GLI3: variants seen among roughly 807,000 people sequenced by gnomAD.
The protein encoded by GLI3 is transcription activator GLI3.
GLI3 carries 20 observed loss-of-function variants against 100.8 expected under a neutral mutation model. The ratio of observed to expected loss-of-function variants is 0.20; its 90% CI spans 0.14 to 0.29. GLI3 has a LOEUF of 0.29. Among genes scored for constraint, GLI3 ranks in the 10% least tolerant of loss-of-function variants. The pLI, the probability that GLI3 is intolerant of heterozygous loss-of-function variation, is 1.00. For missense variants in GLI3, 2,040 were observed against 2,128.5 expected (o/e 0.96, Z 0.82); for synonymous variants, 938 against 860.5 (o/e 1.09, Z -1.58).
rs913492163 is a variant in GLI3, at chr7:41,972,950, A to G, written c.1813-323T>C. ...ATCACGGTGCCATAATAGGCACTCA[A>G]TAGATATTTGATGATGATGATGATG... On this transcript the variant is annotated intron_variant, in intron 12 of 14. Transcript: ENST00000395925. This position sits in a 1 kb window ranked among gnomAD's most constrained non-coding sequence, Gnocchi z 4.4. 1.3e-5 allele frequency among the ~76,000 whole-genome samples: 2 copies of G among 152,068 alleles called. No individual in the cohort carries two copies. Among genetic ancestry groups the G allele is most frequent in the African/African-American group, 2.4e-5 (1 of 41,356 alleles).
At chr7:42,160,119 G>T (rs1223858703) in intron 2 of GLI3, among the ~76,000 whole-genome samples, 2 of 151,916 alleles carry the variant, frequency 1.3e-5, no homozygotes, top group African/African-American at 4.8e-5. Context: ...TTACTTCATA[G>T]GGTATTGTGA....
intron 3 of GLI3, among the ~76,000 whole-genome samples, chr7:42,132,925 A>C (rs990861053): frequency 1.3e-5 from 2 of 152,150 alleles, no homozygotes; most frequent in Admixed American, 6.5e-5. Flanking sequence ...CAAAAAAAAA[A>C]ACACAAGTAA....
intron 10 of GLI3, among the ~76,000 whole-genome samples, chr7:42,001,145 T>C (rs1258798864): frequency 6.9e-6 from 1 of 145,358 alleles, no homozygotes; most frequent in Non-Finnish European, 1.5e-5. Context: ...CGCAGGAGGC[T>C]GAGGCAGGAG....
At chr7:42,159,213 T>C (rs1411571857) in intron 2 of GLI3, among the ~76,000 whole-genome samples, 2 of 152,244 alleles carry the variant, frequency 1.3e-5, no homozygotes, top group Admixed American at 1.3e-4. Context: ...AGTATTTGGC[T>C]TGTGCTTAAC....
rs117071064 is a variant in GLI3 at position 42,050,858 on chromosome 7, G to A, written c.474-2162C>T. ...AAGAGTGGTAAGAATATCCCTAGAGGTCCAAATTCTATTTTGGAGAATTAT... is the reference window on the plus strand; with the variant it reads ...AAGAGTGGTAAGAATATCCCTAGAGATCCAAATTCTATTTTGGAGAATTAT... On this transcript the variant is annotated intron_variant, in intron 4 of 14. Coordinates refer to ENST00000395925, the MANE Select transcript of GLI3 (RefSeq NM_000168.6). Among the ~76,000 whole-genome samples the A allele has an allele frequency of 4.1e-3, 617 of 152,228 alleles. 4 individuals carry two copies. The highest frequency in any genetic ancestry group is 7.1e-3 in the Non-Finnish European group (480 of 68,022).
At chr7:42,050,151 C>T (rs566638539) in intron 4 of GLI3, among the ~76,000 whole-genome samples, 6 of 152,164 alleles carry the variant, frequency 3.9e-5, no homozygotes, top group African/African-American at 1.4e-4. Context: ...CTCACTTTCT[C>T]CTTCTGACTC....
At chr7:42,258,525 A>G (rs1562802771) in intron 1 of GLI3, among the ~76,000 whole-genome samples, 4 of 152,192 alleles carry the variant, frequency 2.6e-5, no homozygotes, top group Admixed American at 2.0e-4. Context: ...GTTTTCCTAT[A>G]CATGATTAAG....
chr7:42,028,036 T>G (rs1422821641), intron 7 of GLI3, among the ~76,000 whole-genome samples: 1 of 152,214 alleles, frequency 6.6e-6, no homozygotes, highest in Non-Finnish European at 1.5e-5. Context: ...ATAGCTGATT[T>G]CATGTTCACT....
At chr7:42,179,353 G>A (rs959357290) in intron 2 of GLI3, among the ~76,000 whole-genome samples, 13 of 152,110 alleles carry the variant, frequency 8.5e-5, no homozygotes, top group African/African-American at 3.1e-4. Context: ...AATACAGCTG[G>A]AGCAGAGGGA....
intron 10 of GLI3, among the ~76,000 whole-genome samples, chr7:41,996,865 G>C (rs1250225602): frequency 6.6e-6 from 1 of 152,170 alleles, no homozygotes; most frequent in Non-Finnish European, 1.5e-5. Context: ...TTCTCAGTAA[G>C]ATCACATCTT....
chr7:42,067,652 T>G (rs1784702028), intron 4 of GLI3, among the ~76,000 whole-genome samples: 1 of 152,166 alleles, frequency 6.6e-6, no homozygotes, highest in Non-Finnish European at 1.5e-5. Flanking sequence ...CCAGTTAACC[T>G]AACTCCCTTA....
chr7:42,065,515 T>C (rs1479685310), intron 4 of GLI3, among the ~76,000 whole-genome samples: 3 of 152,144 alleles, frequency 2.0e-5, no homozygotes, highest in East Asian at 1.9e-4. Context: ...GTTAAAAACA[T>C]AGTTCATAAG....
chr7:42,223,090 G>T (rs1365935413), intron 2 of GLI3, 40 bp downstream of exon 2: 2 of 1,607,698 alleles, frequency 1.2e-6, no homozygotes, highest in Non-Finnish European at 8.5e-7. Context: ...ACACAGAAAT[G>T]ACTCCAGGCT....
chr7:42,164,504 TAA>T (rs1787198243), intron 2 of GLI3, among the ~76,000 whole-genome samples: 1 of 148,038 alleles, frequency 6.8e-6, no homozygotes, highest in South Asian at 2.2e-4. Context: ...GAAAGACAGA[TAA>T]AGACCTTGTC....
At chr7:42,146,015 G>C (rs935744224) in intron 3 of GLI3, among the ~76,000 whole-genome samples, 2 of 152,128 alleles carry the variant, frequency 1.3e-5, no homozygotes, top group Non-Finnish European at 2.9e-5. Flanking sequence ...CAAGTGTTGA[G>C]CCAATCTGTG....
intron 3 of GLI3, chr7:42,113,507 C>T (rs1196293153): frequency 2.0e-5 from 22 of 1,094,276 alleles, no homozygotes; most frequent in South Asian, 1.9e-4. Context: ...TGAGAAGGTA[C>T]CCAAAGGGAA....
chr7:42,049,620 G>A (rs778673848), intron 4 of GLI3, among the ~76,000 whole-genome samples: 1 of 152,186 alleles, frequency 6.6e-6, no homozygotes, highest in African/African-American at 2.4e-5. Flanking sequence ...ACGATATCCT[G>A]ATCTGCTTCT....
At chr7:42,018,323 C>A (rs1477903152) in intron 10 of GLI3, among the ~76,000 whole-genome samples, 1 of 152,100 alleles carries the variant, frequency 6.6e-6, no homozygotes, top group Non-Finnish European at 1.5e-5. Flanking sequence ...AAAATAAGAT[C>A]AAAATCTCCA....
intron 3 of GLI3, among the ~76,000 whole-genome samples, chr7:42,096,707 C>T (rs1785345923): frequency 6.6e-6 from 1 of 152,118 alleles, no homozygotes; most frequent in Non-Finnish European, 1.5e-5. Flanking sequence ...GGAAGAGATT[C>T]CAGAAGCCAG....
Sources: gnomAD v4.1 joint callset for allele counts (sites outside exome capture counted in the v4.1 genomes callset) on GRCh38, gnomAD v4.1.1 for gene constraint, Gnocchi (gnomAD v3.1) non-coding constraint, MANE v1.5 for transcripts, NCBI Gene and HGNC (gene_info 2026-07-23, HGNC 2026-07-21) for gene names.